SND1: variants seen among roughly 807,000 people sequenced by gnomAD.
The protein encoded by SND1 is staphylococcal nuclease and tudor domain containing 1, also known as staphylococcal nuclease domain-containing protein 1.
SND1 carries 38 observed loss-of-function variants against 121.7 expected under a neutral mutation model. The observed-to-expected ratio is 0.31, with a 90% CI of 0.24 to 0.41. The LOEUF (loss-of-function observed/expected upper bound fraction) is 0.41. Among genes scored for constraint, SND1 ranks in the 10% least tolerant of loss-of-function variants. The probability of loss-of-function intolerance (pLI) is 1.00; values close to 1 mark genes in which losing one functional copy is unlikely to be tolerated. For missense variants in SND1, 868 were observed against 1,184.6 expected (o/e 0.73, Z 3.92); for synonymous variants, 401 against 447.4 (o/e 0.90, Z 1.31).
intron 16 of SND1, among the ~76,000 whole-genome samples, chr7:128,069,552 C>T (rs1443374815): frequency 6.6e-6 from 1 of 152,166 alleles, no homozygotes; most frequent in Non-Finnish European, 1.5e-5. Flanking sequence ...ATTTCACAGT[C>T]TGGAACAAGC....
At chr7:127,987,703 C>T (rs1272164465) in intron 15 of SND1, among the ~76,000 whole-genome samples, 1 of 151,830 alleles carries the variant, frequency 6.6e-6, no homozygotes, top group South Asian at 2.1e-4. Flanking sequence ...CAGTGTTTTT[C>T]AAACTGGGTA....
At chr7:127,807,702 T>C in intron 11 of SND1, 129 bp downstream of exon 11, 3 of 730,154 alleles carry the variant, frequency 4.1e-6, no homozygotes, top group South Asian at 3.3e-5. Context: ...TGGAATTACT[T>C]TGATATGAAG....
chr7:127,904,550 A>C, intron 13 of SND1, 197 bp from the exon 14 acceptor site: 1 of 414,404 alleles, frequency 2.4e-6, no homozygotes, highest in Non-Finnish European at 4.2e-6. Flanking sequence ...AACAGGGCTT[A>C]AGAGAAGAGC....
intron 15 of SND1, among the ~76,000 whole-genome samples, chr7:127,971,034 A>C (rs1043671170): frequency 2.0e-5 from 3 of 152,210 alleles, no homozygotes; most frequent in African/African-American, 7.2e-5. Context: ...TCTTTACAGG[A>C]CCACAAAAGC....
chr7:127,791,231 T>C (rs759452021), intron 10 of SND1, among the ~76,000 whole-genome samples: 3 of 150,846 alleles, frequency 2.0e-5, no homozygotes, highest in Non-Finnish European at 3.0e-5. Flanking sequence ...TCACTGGGCT[T>C]GCAACCTCCT....
intron 15 of SND1, among the ~76,000 whole-genome samples, chr7:127,966,228 C>A (rs1193331): frequency 0.7 from 106,143 of 151,188 alleles, 38,912 homozygotes; most frequent in African/African-American, 0.91. Flanking sequence ...CTACAAAGAG[C>A]CTTAGACTCC....
Position 128,031,016 on chromosome 7 carries a change from A to AGGGGGAAGTGGT in SND1, c.1779+39966_1779+39977dup, listed in dbSNP as rs1389293781. 3 of 71,936 alleles carry AGGGGGAAGTGGT rather than the reference A, an allele frequency of 4.2e-5. No homozygotes were observed. The East Asian group carries it at 1.5e-3, about 37-fold the overall frequency. The allele number at this position is 71,936 out of a possible 1,614,324, so 4.5% of individuals were successfully genotyped here. A position where few individuals can be genotyped will look rare whatever the true frequency, so the allele number is the denominator to read the frequency against. On this transcript the variant is annotated intron_variant, in intron 16 of 23. Coordinates refer to ENST00000354725, the MANE Select transcript of SND1 (RefSeq NM_014390.4). ...CGACTTCTTAGTTTTAATTAACAAA[A>AGGGGGAAGTGGT]GGGGGAAGTGGTGGGGGCGGGGAGG...
intron 11 of SND1, among the ~76,000 whole-genome samples, chr7:127,808,465 T>C (rs1308699469): frequency 2.6e-5 from 4 of 152,174 alleles, no homozygotes; most frequent in African/African-American, 9.7e-5. Flanking sequence ...GCACCCGGCC[T>C]TGTGACAGGT....
At chr7:127,878,044 ATGT>A (rs1223731135) in intron 12 of SND1, among the ~76,000 whole-genome samples, 1 of 151,374 alleles carries the variant, frequency 6.6e-6, no homozygotes, top group Non-Finnish European at 1.5e-5. Flanking sequence ...ATTTCTACCA[ATGT>A]TGTTTATGGG....
chr7:127,808,845 T>G (rs528918519), intron 11 of SND1, among the ~76,000 whole-genome samples: 7 of 152,360 alleles, frequency 4.6e-5, no homozygotes, highest in Admixed American at 2.0e-4. Context: ...ATCATTTCGC[T>G]CATTTACTGG....
intron 10 of SND1, among the ~76,000 whole-genome samples, chr7:127,794,220 G>A (rs1026375088): frequency 6.6e-6 from 1 of 152,188 alleles, no homozygotes; most frequent in African/African-American, 2.4e-5. Flanking sequence ...TGAATTTGGT[G>A]GATAAAATAT....
At chr7:127,687,519 C>T (rs1795834496) in intron 2 of SND1, among the ~76,000 whole-genome samples, 1 of 152,074 alleles carries the variant, frequency 6.6e-6, no homozygotes, top group Admixed American at 6.5e-5. Context: ...ATCTATATGT[C>T]CATGTGTACC....
intron 10 of SND1, among the ~76,000 whole-genome samples, chr7:127,778,213 T>A (rs201151973): frequency 9.0e-5 from 8 of 88,936 alleles, no homozygotes; most frequent in African/African-American, 4.4e-4. Context: ...TTATTTATTT[T>A]GAGACGGAGT....
intron 13 of SND1, among the ~76,000 whole-genome samples, chr7:127,894,476 A>T (rs1301010718): frequency 6.6e-6 from 1 of 152,054 alleles, no homozygotes. Flanking sequence ...TATGAATGGA[A>T]TGTGAAGAGT....
At chr7:127,703,851 A>G (rs1796145948) in intron 7 of SND1, among the ~76,000 whole-genome samples, 1 of 152,196 alleles carries the variant, frequency 6.6e-6, no homozygotes, top group African/African-American at 2.4e-5. Flanking sequence ...GGTTCATAAG[A>G]AGAGGAACTT....
At chr7:127,858,296 G>A (rs1290547850) in intron 12 of SND1, 5 of 933,666 alleles carry the variant, frequency 5.4e-6, no homozygotes, top group Non-Finnish European at 8.4e-6. Flanking sequence ...CGGGGAACTG[G>A]GTCACCCAGG....
At chr7:127,982,496 T>A (rs1294323410) in intron 15 of SND1, among the ~76,000 whole-genome samples, 1 of 152,208 alleles carries the variant, frequency 6.6e-6, no homozygotes, top group Non-Finnish European at 1.5e-5. Context: ...GCTTTAGCAG[T>A]GACATGTTCC....
chr7:127,785,535 A>G (rs907548315), intron 10 of SND1, among the ~76,000 whole-genome samples: 5 of 152,222 alleles, frequency 3.3e-5, no homozygotes, highest in African/African-American at 7.2e-5. Context: ...CTTTTGGCCT[A>G]AAAGTGATCT....
At chr7:127,863,353 G>A (rs558541769) in intron 12 of SND1, among the ~76,000 whole-genome samples, 1 of 152,234 alleles carries the variant, frequency 6.6e-6, no homozygotes, top group East Asian at 1.9e-4. Flanking sequence ...ATGTTCCATG[G>A]AAGCGAGGTG....
Sources: gnomAD v4.1 joint callset for allele counts (sites outside exome capture counted in the v4.1 genomes callset) on GRCh38, gnomAD v4.1.1 for gene constraint, MANE v1.5 for transcripts, NCBI Gene and HGNC (gene_info 2026-07-23, HGNC 2026-07-21) for gene names.